The following MLH3 variants were observed in gnomAD, a reference collection of about 807,000 sequenced individuals.
MLH3 encodes mutL homolog 3.
A neutral mutation model predicts 122.2 loss-of-function variants in MLH3; 82 were observed. The observed-to-expected ratio is 0.67, with a 90% CI of 0.56 to 0.81. The LOEUF is 0.81. Among genes scored for constraint, MLH3 ranks in the 30% least tolerant of loss-of-function variants. MLH3 has a pLI of 0.00. For missense variants in MLH3, 1,539 were observed against 1,714.5 expected (o/e 0.90, Z 1.81); for synonymous variants, 524 against 599.5 (o/e 0.87, Z 1.84).
intron 6 of MLH3, among the ~76,000 whole-genome samples, chr14:75,036,353 A>ATTTTT (rs72459530): frequency 6.7e-6 from 1 of 149,774 alleles, no homozygotes. Context: ...ACATCTTTTT[A>ATTTTT]TTTTATTTTT....
chr14:75,043,735 C>G (rs867689402), intron 2 of MLH3, among the ~76,000 whole-genome samples: 8 of 152,168 alleles, frequency 5.3e-5, no homozygotes, highest in African/African-American at 1.9e-4. Flanking sequence ...GAAAAAATTA[C>G]CAAGGCTTGG....
chr14:75,023,042 CT>C, intron 9 of MLH3, 24 bp from the exon 10 acceptor site: 1 of 1,614,038 alleles, frequency 6.2e-7, no homozygotes, highest in Non-Finnish European at 8.5e-7. Context: ...GGAAAATCGG[CT>C]TTAATCTACG....
rs1892274301 is a variant in MLH3, at chr14:75,046,915, A to T, written c.2741T>A (p.Val914Glu). 1 of 1,614,096 alleles carries T rather than the reference A, an allele frequency of 6.2e-7. No individual in the cohort carries two copies. The highest frequency in any genetic ancestry group is 8.5e-7 in the Non-Finnish European group (1 of 1,180,036). Residue 914 changes from valine (V) to glutamate (E), a missense_variant, in exon 2 of 13, where the codon GTG (valine) becomes GAG (glutamate). Coordinates refer to ENST00000355774, the MANE Select transcript of MLH3 (RefSeq NM_001040108.2). The stretch of plus-strand genomic sequence containing the variant: ...TAACATACAAAAATCTTGTGTTAAC[A>T]CACTGCACAACTTGCTGTCTTTCCT... Reference protein sequence around the residue: ...SSRKDSKLCSVLTQDFCMLFN... With the variant: ...SSRKDSKLCSELTQDFCMLFN...
chr14:75,048,793 C>T lies in MLH3; in HGVS notation c.863G>A (p.Arg288Lys), dbSNP rs1892451683. The T allele has an allele frequency of 1.2e-6, 2 of 1,614,138 alleles. No homozygotes were observed. Among genetic ancestry groups the T allele is most frequent in the Non-Finnish European group, 1.7e-6 (2 of 1,180,014 alleles). Reference sequence around the variant, plus strand: ...GTGCCGAAGACTTGAATTCATTTGCCTACTGGTGGGACCATTCTTTGGCTT... The same window carrying T: ...GTGCCGAAGACTTGAATTCATTTGCTTACTGGTGGGACCATTCTTTGGCTT... ...ICKPKNGPTS[R>K]QMNSSLRHRS... The change falls in exon 2 of 13, where the codon AGG (arginine) becomes AAG (lysine). Residue 288 changes from arginine (R) to lysine (K), a missense_variant. By Grantham distance (26) the Arg-to-Lys change is conservative (BLOSUM62 2). Transcript: ENST00000355774.
chr14:75,025,554 A>C (rs1161400004), intron 9 of MLH3, among the ~76,000 whole-genome samples: 1 of 152,098 alleles, frequency 6.6e-6, no homozygotes, highest in Non-Finnish European at 1.5e-5. Flanking sequence ...AAGCATACGC[A>C]CCCTGGATGC....
chr14:75,024,869 T>A (rs532388472), intron 9 of MLH3, among the ~76,000 whole-genome samples: 5 of 152,318 alleles, frequency 3.3e-5, no homozygotes, highest in African/African-American at 1.2e-4. Flanking sequence ...ATATTAGGGA[T>A]TGAATTACAA....
chr14:75,036,866 C>T, intron 6 of MLH3: 1 of 430,600 alleles, frequency 2.3e-6, no homozygotes, highest in South Asian at 1.7e-5. Flanking sequence ...CTCTAGTCCA[C>T]CCTGGTCCCA....
Position 75,030,564 on chromosome 14 carries a change from A to G in MLH3, c.3966T>C (p.Thr1322=), listed in dbSNP as rs1156635094. 1.9e-6 allele frequency: 3 copies of G among 1,614,164 alleles called. 1 individual carries two copies. Among genetic ancestry groups the G allele is most frequent in the South Asian group, 1.1e-5 (1 of 91,088 alleles). The part of the protein sequence containing the change: ...EANELRRGRS[T]VTKSIVEEFI... Reference sequence around the variant, plus strand: ...TTACCTCCACAATACTCTTGGTCACAGTAGATCTTCCTCTCCGAAGTTCAT... The same window carrying G: ...TTACCTCCACAATACTCTTGGTCACGGTAGATCTTCCTCTCCGAAGTTCAT... Residue 1322 remains threonine, a synonymous_variant, in exon 9 of 13, where the codon ACT becomes ACC. Transcript: ENST00000355774.
Position 75,040,003 on chromosome 14 carries a change from C to T in MLH3, c.3478G>A (p.Val1160Ile). The T allele has an allele frequency of 1.3e-6, 2 of 1,572,822 alleles. No individual in the cohort carries two copies. Among genetic ancestry groups the T allele is most frequent in the Non-Finnish European group, 8.7e-7 (1 of 1,144,876 alleles). ...AAGCTCTCAGCCTGGCCACTGCTTACATCAACAGCAACCTAGAAAGACTCA... is the reference window on the plus strand; with the variant it reads ...AAGCTCTCAGCCTGGCCACTGCTTATATCAACAGCAACCTAGAAAGACTCA... ...FARYPEVAVD[V>I]SSGQAESLAV... Residue 1160 changes from valine (V) to isoleucine (I), a missense_variant, in exon 5 of 13, where the codon GTA becomes ATA. Coordinates refer to ENST00000355774, the MANE Select transcript of MLH3 (RefSeq NM_001040108.2).
In MLH3 at chr14:75,047,404, A is replaced by C; in HGVS notation, c.2252T>G (p.Leu751Arg). 6.2e-7 allele frequency: 1 copy of C among 1,614,082 alleles called. No individual in the cohort carries two copies. Among genetic ancestry groups the C allele is most frequent in the Non-Finnish European group, 8.5e-7 (1 of 1,179,978 alleles). The part of the protein sequence containing the change: ...VRKKLSLSSQ[L>R]GSLEKFKRQY... ...CCTCTTAAACTTCTCTAAAGATCCT[A>C]GCTGTGAACTCAAGCTTAGCTTCTT... Residue 751 changes from leucine (L) to arginine (R), a missense_variant, in exon 2 of 13, where the codon CTA becomes CGA. Transcript: ENST00000355774.
At chr14:75,046,106 G>A (rs28756995) in intron 2 of MLH3, among the ~76,000 whole-genome samples, 1 of 151,510 alleles carries the variant, frequency 6.6e-6, no homozygotes, top group Non-Finnish European at 1.5e-5. Flanking sequence ...CTTGAACCAG[G>A]GGGGCAGAGG....
chr14:75,048,466 A>G lies in MLH3; in HGVS notation c.1190T>C (p.Ile397Thr). The G allele has an allele frequency of 6.2e-7, 1 of 1,612,554 alleles. No individual in the cohort carries two copies. The highest frequency in any genetic ancestry group is 8.5e-7 in the Non-Finnish European group (1 of 1,179,690). The change falls in exon 2 of 13, where the codon ATT (isoleucine) becomes ACT (threonine). Residue 397 changes from isoleucine (I) to threonine (T), a missense_variant. Physicochemically the swap from Ile to Thr is moderately conservative, Grantham distance 89. Coordinates refer to ENST00000355774, the MANE Select transcript of MLH3 (RefSeq NM_001040108.2). ...ATTAAACATCTCATAGGAATCTAAA[A>G]TATTATTACATGCTTCCTGGAAATT... ...RSNFQEACNNILDSYEMFNLQ... is the reference protein window; with the variant it reads ...RSNFQEACNNTLDSYEMFNLQ...
At chr14:75,040,116 G>A (rs1330694973) in intron 4 of MLH3, 101 bp from the exon 5 acceptor site, 2 of 631,060 alleles carry the variant, frequency 3.2e-6, no homozygotes, top group Non-Finnish European at 5.8e-6. Flanking sequence ...TTTTTATTTA[G>A]CCTACTAGAG....
At position 75,015,935 on chromosome 14, in the gene MLH3, A is replaced by G. The variant is rs1013429806; in HGVS notation, c.*1147T>C. 1 of 231,610 alleles carries G rather than the reference A, an allele frequency of 4.3e-6. No individual in the cohort carries two copies. Among genetic ancestry groups the G allele is most frequent in the African/African-American group, 2.2e-5 (1 of 45,254 alleles). 14.3% of individuals were successfully genotyped at this position (231,610 alleles called of 1,614,324 possible). A position where few individuals can be genotyped will look rare whatever the true frequency, so the allele number is the denominator to read the frequency against. On this transcript the variant is annotated 3_prime_UTR_variant, in exon 13 of 13. Coordinates refer to ENST00000355774, the MANE Select transcript of MLH3 (RefSeq NM_001040108.2). ...TTGAGCAGGCTGGTCAGGAAATACA[A>G]AAGTAGAAATTCTCATTGCATCATC...
At chr14:75,040,954 C>A (rs68179743) in intron 4 of MLH3, among the ~76,000 whole-genome samples, 18,949 of 152,124 alleles carry the variant, frequency 0.12, 2,127 homozygotes, top group African/African-American at 0.3. Context: ...TTTCCAAATA[C>A]ATAATTTGGA....
chr14:75,043,313 T>G (rs1028383329), intron 2 of MLH3, among the ~76,000 whole-genome samples: 1 of 152,254 alleles, frequency 6.6e-6, no homozygotes, highest in Non-Finnish European at 1.5e-5. Context: ...GTCTCTATCC[T>G]AACATTTGTC....
At chr14:75,017,400 G>C (rs1889961102) in intron 12 of MLH3, among the ~76,000 whole-genome samples, 199 bp from the exon 13 acceptor site, 1 of 152,162 alleles carries the variant, frequency 6.6e-6, no homozygotes, top group African/African-American at 2.4e-5. Context: ...AATTAGCCGG[G>C]TGTGGTGGCG....
intron 7 of MLH3, 127 bp downstream of exon 7, chr14:75,033,292 A>C (rs1016340503): frequency 2.6e-6 from 2 of 758,874 alleles, no homozygotes; most frequent in African/African-American, 1.7e-5. Flanking sequence ...GCAGGACTTT[A>C]GTTTAATTTT....
In MLH3 at chr14:75,041,641, T is replaced by C; in HGVS notation, c.3439A>G (p.Asn1147Asp). The change falls in exon 4 of 13, where the codon AAT becomes GAT. Residue 1147 changes from asparagine (N) to aspartate (D), a missense_variant. Physicochemically the swap from Asn to Asp is conservative, Grantham distance 23. Transcript: ENST00000355774. ...SLQSLFSEWD[N>D]PVFARYPEVA... ...TCTGGATAACGGGCAAATACTGGAT[T>C]GTCCCATTCTGAGAACAAAGACTGA... The C allele has an allele frequency of 1.2e-6, 2 of 1,613,850 alleles. No individual in the cohort carries two copies. Among genetic ancestry groups the C allele is most frequent in the Non-Finnish European group, 1.7e-6 (2 of 1,179,888 alleles).
Sources: allele counts gnomAD v4.1 joint callset (sites outside exome capture counted in the v4.1 genomes callset), GRCh38; gene constraint gnomAD v4.1.1; transcripts MANE v1.5; gene names NCBI Gene and HGNC (gene_info 2026-07-23, HGNC 2026-07-21).